Variants in EPHA10 observed in about 807,000 individuals in gnomAD.
The protein encoded by EPHA10 is ephrin type-A receptor 10.
A neutral mutation model predicts 109.7 loss-of-function variants in EPHA10; 120 were observed. The ratio of observed to expected loss-of-function variants is 1.09; its 90% CI spans 0.94 to 1.27. The LOEUF (loss-of-function observed/expected upper bound fraction) is 1.27, where lower values mean the gene tolerates loss of function less well. EPHA10 is among the 50% of genes most tolerant of loss of function. EPHA10 has a pLI of 0.00. For synonymous variants in EPHA10, 640 were observed against 618.9 expected, an observed-to-expected ratio of 1.03 and a Z score of -0.51; for missense variants, 1,396 against 1,411.1, an observed-to-expected ratio of 0.99 and a Z score of 0.17.
In EPHA10 at chr1:37,718,456, A is replaced by G; in HGVS notation, c.2943T>C (p.Ala981=). 1 of 1,613,464 alleles carries G rather than the reference A, an allele frequency of 6.2e-7. No homozygotes were observed. The highest frequency in any genetic ancestry group is 8.5e-7 in the Non-Finnish European group (1 of 1,180,010). ...CGCTGAGGAGGGCCTCTCGATGTTC[A>G]GCCAAAGAGATGCCTAGGCTCACCA... is the stretch of plus-strand genomic sequence containing the variant. ...QDLVSLGISL[A]EHREALLSGI... Residue 981 remains alanine (A), a synonymous_variant, in exon 17 of 17, where the codon GCT becomes GCC. Transcript: ENST00000373048.
chr1:37,739,799 A>G (rs1646126418), intron 5 of EPHA10, among the ~76,000 whole-genome samples: 1 of 151,864 alleles, frequency 6.6e-6, no homozygotes, highest in Admixed American at 6.6e-5. Flanking sequence ...TGCAAGATGA[A>G]AAAGTTCTAC....
chr1:37,722,092 C>T (rs1259149887), intron 10 of EPHA10: 4 of 421,082 alleles, frequency 9.5e-6, no homozygotes, highest in African/African-American at 8.3e-5. Flanking sequence ...GATTGTGCCA[C>T]TGCACTTCAG....
rs1424564910 is a variant in EPHA10, at chr1:37,752,898, G to A, written c.1335C>T (p.Val445=). Residue 445 remains valine, a synonymous_variant, in exon 5 of 17, where the codon GTC becomes GTT. Transcript: ENST00000373048. ...TACCCCCGGGCCCGGTGGAGACGGT[G>A]ACCTGCGCGTAGGTGGTTCCCGCGG... is the stretch of plus-strand genomic sequence containing the variant. ...AAAAGTTYAQ[V]TVSTGPGAPW... is the part of the protein sequence containing the mutation. The A allele has an allele frequency of 1.5e-6, 2 of 1,304,806 alleles. No homozygotes were observed. The highest frequency in any genetic ancestry group is 3.2e-5 in the East Asian group (1 of 31,500). 80.8% of individuals were successfully genotyped at this position (1,304,806 alleles called of 1,614,324 possible). A position where few individuals can be genotyped will look rare whatever the true frequency, so the allele number is the denominator to read the frequency against.
At position 37,718,201 on chromosome 1, in the gene EPHA10, G is replaced by A; in HGVS notation, c.*171C>T. ...CAAGGCGTTCAGACTCGTGAAAATGGGAGGGGCAGGCAGTGAAAGCGGGGA... is the reference window on the plus strand; with the variant it reads ...CAAGGCGTTCAGACTCGTGAAAATGAGAGGGGCAGGCAGTGAAAGCGGGGA... On this transcript the variant is annotated 3_prime_UTR_variant, in exon 17 of 17. Coordinates refer to ENST00000373048, the MANE Select transcript of EPHA10 (RefSeq NM_001099439.2). 1.6e-6 allele frequency: 1 copy of A among 623,632 alleles called. No homozygotes were observed. The highest frequency in any genetic ancestry group is 2.8e-6 in the Non-Finnish European group (1 of 351,864). The allele number at this position is 623,632 out of a possible 1,614,324, so 38.6% of individuals were successfully genotyped here. A position where few individuals can be genotyped will look rare whatever the true frequency, so the allele number is the denominator to read the frequency against.
Position 37,753,126 on chromosome 1 carries a change from C to T in EPHA10, c.1107G>A (p.Ser369=), listed in dbSNP as rs1038373499. 21 of 1,405,030 alleles carry T rather than the reference C, an allele frequency of 1.5e-5. No homozygotes were observed. The highest frequency in any genetic ancestry group is 1.1e-4 in the African/African-American group (7 of 66,662). 87.0% of individuals were successfully genotyped at this position (1,405,030 alleles called of 1,614,324 possible). A position where few individuals can be genotyped will look rare whatever the true frequency, so the allele number is the denominator to read the frequency against. Residue 369 remains serine (S), a synonymous_variant, in exon 5 of 17, where the codon TCG becomes TCA. Coordinates refer to ENST00000373048, the MANE Select transcript of EPHA10 (RefSeq NM_001099439.2). ...WLPPADSGGR[S]DVTYSLLCLR... The stretch of plus-strand genomic sequence containing the variant: ...GGCACAGCAGCGAGTAGGTGACGTC[C>T]GAGCGGCCTCCCGAGTCGGCCGGCG...
At chr1:37,741,882 A>T (rs1330739689) in intron 5 of EPHA10, among the ~76,000 whole-genome samples, 2 of 151,866 alleles carry the variant, frequency 1.3e-5, no homozygotes, top group Non-Finnish European at 2.9e-5. Context: ...GCCAAAATTC[A>T]CTTTGAGACG....
chr1:37,754,256 T>G lies in EPHA10; in HGVS notation c.965A>C (p.Tyr322Ser). The G allele has an allele frequency of 7.6e-7, 1 of 1,323,290 alleles. No homozygotes were observed. Among genetic ancestry groups the G allele is most frequent in the Non-Finnish European group, 9.7e-7 (1 of 1,030,514 alleles). 82.0% of individuals were successfully genotyped at this position (1,323,290 alleles called of 1,614,324 possible). Residue 322 changes from tyrosine (Y) to serine (S), a missense_variant, in exon 4 of 17, where the codon TAT becomes TCT. Coordinates refer to ENST00000373048, the MANE Select transcript of EPHA10 (RefSeq NM_001099439.2). The surrounding 1 kb of genome is among the most constrained non-coding windows in gnomAD (Gnocchi z 4.5). ...GGGCGGGTCGGTGGGTGAGCGCGCA[T>G]AGCTGTCCTGGCACACGCAGAAGGT... is the stretch of plus-strand genomic sequence containing the variant. ...ASTFCVCQDS[Y>S]ARSPTDPPSA... is the part of the protein sequence containing the mutation.
At chr1:37,758,542 C>A (rs972206114) in intron 3 of EPHA10, among the ~76,000 whole-genome samples, 1 of 152,220 alleles carries the variant, frequency 6.6e-6, no homozygotes, top group African/African-American at 2.4e-5. Flanking sequence ...TGCTTCCCAA[C>A]TCTGTAGGGC....
At chr1:37,762,437 T>C (rs1646442038) in intron 2 of EPHA10, among the ~76,000 whole-genome samples, 2 of 152,148 alleles carry the variant, frequency 1.3e-5, no homozygotes, top group Non-Finnish European at 1.5e-5. Context: ...AAGCCTCTTT[T>C]AGGACTCCCA....
intron 11 of EPHA10, 115 bp downstream of exon 11, chr1:37,721,545 C>A: frequency 8.9e-7 from 1 of 1,121,678 alleles, no homozygotes; most frequent in East Asian, 3.1e-5. Flanking sequence ...CTGAAGCTCC[C>A]TCCCATAGCT....
intron 7 of EPHA10, among the ~76,000 whole-genome samples, chr1:37,729,925 C>A (rs963372547): frequency 6.6e-6 from 1 of 152,002 alleles, no homozygotes; most frequent in African/African-American, 2.4e-5. Flanking sequence ...AAACCACACT[C>A]TGCAGATTGG....
intron 11 of EPHA10, among the ~76,000 whole-genome samples, chr1:37,721,298 G>A (rs973086997): frequency 2.1e-4 from 32 of 151,066 alleles, no homozygotes; most frequent in African/African-American, 7.3e-4. Flanking sequence ...CCTGGTGGCA[G>A]GCACCTGTAG....
rs1183359715 is a variant in EPHA10, at chr1:37,762,866, A to G, written c.107-17T>C. On this transcript the variant is annotated splice_polypyrimidine_tract_variant and intron_variant, in intron 1 of 16. Coordinates refer to ENST00000373048, the MANE Select transcript of EPHA10 (RefSeq NM_001099439.2). ...GGAGGATAACTAAGGAGAGGGGAAG[A>G]CAGAAATATCAGAAATCGAGAAGGT... is the stretch of plus-strand genomic sequence containing the variant. The G allele has an allele frequency of 1.9e-6, 3 of 1,548,824 alleles. No homozygotes were observed. The highest frequency in any genetic ancestry group is 2.6e-6 in the Non-Finnish European group (3 of 1,145,628).
intron 5 of EPHA10, among the ~76,000 whole-genome samples, chr1:37,743,099 C>T (rs745396264): frequency 4.6e-5 from 7 of 152,076 alleles, no homozygotes; most frequent in Non-Finnish European, 7.3e-5. Context: ...GGGCAATTCA[C>T]GCATCTTTTT....
At chr1:37,741,660 T>G (rs1310405740) in intron 5 of EPHA10, among the ~76,000 whole-genome samples, 1 of 151,956 alleles carries the variant, frequency 6.6e-6, no homozygotes, top group East Asian at 1.9e-4. Flanking sequence ...GCAATTGTAA[T>G]GAACCCCTAG....
rs1319358190 is a variant in EPHA10 at position 37,720,204 on chromosome 1, G to A, written c.2413-146C>T. 3 of 1,398,158 alleles carry A rather than the reference G, an allele frequency of 2.1e-6. No homozygotes were observed. In the Admixed American group the frequency reaches 7.0e-5, roughly 33 times the overall value. The allele number at this position is 1,398,158 out of a possible 1,614,324, so 86.6% of individuals were successfully genotyped here. A position where few individuals can be genotyped will look rare whatever the true frequency, so the allele number is the denominator to read the frequency against. On this transcript the variant is annotated intron_variant, in intron 13 of 16. Coordinates refer to ENST00000373048, the MANE Select transcript of EPHA10 (RefSeq NM_001099439.2). ...CACATCTGGGAAAGACAGAAAAGCTGACCTCAAGGTGGGGTTCACTCGCAT... is the reference window on the plus strand; with the variant it reads ...CACATCTGGGAAAGACAGAAAAGCTAACCTCAAGGTGGGGTTCACTCGCAT...
intron 5 of EPHA10, among the ~76,000 whole-genome samples, chr1:37,738,433 G>GAAATCA (rs1230649767): frequency 5.9e-5 from 9 of 152,092 alleles, no homozygotes; most frequent in Non-Finnish European, 1.2e-4. Context: ...AATCATCAGG[G>GAAATCA]AAATCAAAAT....
intron 5 of EPHA10, 141 bp from the exon 6 acceptor site, chr1:37,735,531 G>A (rs943355024): frequency 1.0e-5 from 10 of 1,004,490 alleles, no homozygotes; most frequent in Non-Finnish European, 1.4e-5. Flanking sequence ...TGTGGGCGGG[G>A]CTAGGGAACT....
At chr1:37,723,393 A>ATTCC (rs753150765) in intron 8 of EPHA10, 21 bp from the exon 9 acceptor site, 1 of 1,613,340 alleles carries the variant, frequency 6.2e-7, no homozygotes, top group South Asian at 1.1e-5. Context: ...GTTCAGGGTC[A>ATTCC]TTCTTTCAGC....
Sources: allele counts gnomAD v4.1 joint callset (sites outside exome capture counted in the v4.1 genomes callset), GRCh38; gene constraint gnomAD v4.1.1; non-coding constraint Gnocchi (gnomAD v3.1); transcripts MANE v1.5; gene names NCBI Gene and HGNC (gene_info 2026-07-23, HGNC 2026-07-21).